LMX1A: variants seen among roughly 807,000 people sequenced by gnomAD.
LMX1A encodes the protein LIM homeobox transcription factor 1 alpha.
In LMX1A, 15 loss-of-function variants were observed where a neutral mutation model predicts 49.1. The ratio of observed to expected loss-of-function variants is 0.31; its 90% CI spans 0.20 to 0.47. LMX1A has a LOEUF of 0.47. Ranked by LOEUF, LMX1A falls within the 20% of genes least tolerant of loss-of-function variation. The probability of loss-of-function intolerance (pLI) is 1.00; values close to 1 mark genes in which losing one functional copy is unlikely to be tolerated. For synonymous variants in LMX1A, 167 were observed against 185.7 expected (o/e 0.90, Z 0.82); for missense variants, 372 against 475.8 (o/e 0.78, Z 2.03).
At chr1:165,217,506 C>T (rs930698929) in intron 4 of LMX1A, among the ~76,000 whole-genome samples, 2 of 152,176 alleles carry the variant, frequency 1.3e-5, no homozygotes, top group African/African-American at 4.8e-5. Flanking sequence ...AAGAGAAAAA[C>T]ATATTTGTTT....
At position 165,310,954 on chromosome 1, in the gene LMX1A, A is replaced by T. The variant is rs79606648; in HGVS notation, c.263+42122T>A. 3.9e-3 allele frequency among the ~76,000 whole-genome samples: 600 copies of T among 152,342 alleles called. 2 individuals are homozygous for T. The highest frequency in any genetic ancestry group is 5.6e-3 in the Non-Finnish European group (384 of 68,040). On this transcript the variant is annotated intron_variant, in intron 3 of 8. Coordinates refer to ENST00000342310, the MANE Select transcript of LMX1A (RefSeq NM_177398.4). ...AAGAACTTTATATGCAAAAGTTACCATTATGACAATATTCACCATGATGTC... is the reference window on the plus strand; with the variant it reads ...AAGAACTTTATATGCAAAAGTTACCTTTATGACAATATTCACCATGATGTC...
intron 3 of LMX1A, among the ~76,000 whole-genome samples, chr1:165,339,991 C>T (rs1045399229): frequency 2.6e-5 from 4 of 152,274 alleles, no homozygotes; most frequent in South Asian, 2.1e-4. Flanking sequence ...TTTCTCACTA[C>T]GCATCTTCTT....
intron 3 of LMX1A, among the ~76,000 whole-genome samples, chr1:165,318,046 C>G (rs1655274154): frequency 6.6e-6 from 1 of 152,242 alleles, no homozygotes; most frequent in South Asian, 2.1e-4. Flanking sequence ...CCTTCTGCCC[C>G]TGGTTGGAGA....
At chr1:165,243,258 T>A (rs180936930) in intron 4 of LMX1A, among the ~76,000 whole-genome samples, 26 of 152,328 alleles carry the variant, frequency 1.7e-4, no homozygotes, top group Admixed American at 1.7e-3. Context: ...CTCAGACGAC[T>A]TCTGATTTTA....
intron 4 of LMX1A, among the ~76,000 whole-genome samples, chr1:165,227,703 CT>C (rs1212565270): frequency 6.6e-6 from 1 of 152,140 alleles, no homozygotes; most frequent in African/African-American, 2.4e-5. Context: ...GCTTCCTGTA[CT>C]GAGCACCATA....
intron 3 of LMX1A, among the ~76,000 whole-genome samples, chr1:165,338,686 A>C (rs1490551661): frequency 6.6e-6 from 1 of 152,224 alleles, no homozygotes; most frequent in African/African-American, 2.4e-5. Flanking sequence ...AAGTAGAAAA[A>C]TCCATTCCAT....
intron 3 of LMX1A, among the ~76,000 whole-genome samples, chr1:165,252,240 G>T (rs1405873112): frequency 2.0e-5 from 3 of 152,144 alleles, no homozygotes; most frequent in Admixed American, 6.5e-5. Context: ...GATCTAATTT[G>T]TTCACCCTCT....
At chr1:165,352,460 A>T (rs1656456795) in intron 3 of LMX1A, among the ~76,000 whole-genome samples, 1 of 152,216 alleles carries the variant, frequency 6.6e-6, no homozygotes, top group African/African-American at 2.4e-5. Context: ...GCAGAAAACC[A>T]GGAAGGCGAC....
At chr1:165,345,781 C>T (rs1192105780) in intron 3 of LMX1A, among the ~76,000 whole-genome samples, 4 of 152,172 alleles carry the variant, frequency 2.6e-5, no homozygotes, top group African/African-American at 9.6e-5. Context: ...ATAATCCCAG[C>T]ACTTTGGGAG....
At chr1:165,249,943 A>C (rs564152635) in intron 3 of LMX1A, among the ~76,000 whole-genome samples, 1 of 152,134 alleles carries the variant, frequency 6.6e-6, no homozygotes, top group South Asian at 2.1e-4. Flanking sequence ...ACATGATTGG[A>C]ACTGGAAGCT....
At chr1:165,311,110 C>A (rs967330905) in intron 3 of LMX1A, among the ~76,000 whole-genome samples, 1 of 152,154 alleles carries the variant, frequency 6.6e-6, no homozygotes, top group African/African-American at 2.4e-5. Context: ...GTATTTCAAT[C>A]AACAGGATTT....
intron 4 of LMX1A, among the ~76,000 whole-genome samples, chr1:165,239,647 C>T (rs947410376): frequency 2.0e-5 from 3 of 152,188 alleles, no homozygotes; most frequent in Admixed American, 1.3e-4. Context: ...CTGAAAGGCT[C>T]AGGCAGTTCT....
chr1:165,336,379 G>A (rs1655899074), intron 3 of LMX1A, among the ~76,000 whole-genome samples: 1 of 152,044 alleles, frequency 6.6e-6, no homozygotes, highest in South Asian at 2.1e-4. Context: ...CAAATCTAGG[G>A]ACCCTCTTCC....
chr1:165,353,049 G>T lies in LMX1A; in HGVS notation c.263+27C>A. 2.5e-6 allele frequency: 4 copies of T among 1,610,994 alleles called. No individual in the cohort carries two copies. In the South Asian group the frequency reaches 3.3e-5, roughly 13 times the overall value. ...ACGCACACTGATGCCAGTGCGCGGGGAGCGCTGCGGGGGTGCGGCCACTTA... is the reference window on the plus strand; with the variant it reads ...ACGCACACTGATGCCAGTGCGCGGGTAGCGCTGCGGGGGTGCGGCCACTTA... On this transcript the variant is annotated intron_variant, in intron 3 of 8. Transcript: ENST00000342310.
intron 3 of LMX1A, among the ~76,000 whole-genome samples, chr1:165,283,817 C>G (rs1654224388): frequency 6.6e-6 from 1 of 152,192 alleles, no homozygotes; most frequent in Admixed American, 6.5e-5. Flanking sequence ...CACAAACATT[C>G]AGTTTTTAAC....
chr1:165,353,148 G>T lies in LMX1A; in HGVS notation c.191C>A (p.Ser64Tyr). 1 of 1,614,200 alleles carries T rather than the reference G, an allele frequency of 6.2e-7. No homozygotes were observed. The highest frequency in any genetic ancestry group is 8.5e-7 in the Non-Finnish European group (1 of 1,180,026). The change falls in exon 3 of 9, where the codon TCC becomes TAC. Residue 64 changes from serine to tyrosine, a missense_variant. Physicochemically the swap from Ser to Tyr is moderately radical, Grantham distance 144 (BLOSUM62 -2). This residue lies in a region of LMX1A where 199 missense variants were observed against 244.0 expected (regional missense o/e 0.82). Coordinates refer to ENST00000342310, the MANE Select transcript of LMX1A (RefSeq NM_177398.4). The part of the protein sequence containing the change: ...FWHEQCVQCA[S>Y]CKEPLETTCF... ...GGTGGTCTCCAGGGGCTCTTTGCAGGAGGCGCACTGCACGCACTGCTCATG... is the reference window on the plus strand; with the variant it reads ...GGTGGTCTCCAGGGGCTCTTTGCAGTAGGCGCACTGCACGCACTGCTCATG...
intron 3 of LMX1A, among the ~76,000 whole-genome samples, chr1:165,311,230 C>G (rs187171480): frequency 2.0e-5 from 3 of 152,210 alleles, no homozygotes; most frequent in Non-Finnish European, 4.4e-5. Context: ...AAATAATGGG[C>G]CCAAAGGGCT....
chr1:165,229,260 T>C (rs1292971937), intron 4 of LMX1A, among the ~76,000 whole-genome samples: 1 of 152,146 alleles, frequency 6.6e-6, no homozygotes, highest in African/African-American at 2.4e-5. Flanking sequence ...GAGCATCAGC[T>C]CTGCTTAAGG....
intron 3 of LMX1A, among the ~76,000 whole-genome samples, chr1:165,314,222 C>T (rs1217644955): frequency 1.3e-5 from 2 of 152,214 alleles, no homozygotes; most frequent in East Asian, 3.8e-4. Context: ...ACAGTCGCCA[C>T]ATGTGCAATA....
Sources: gnomAD v4.1 joint callset for allele counts (sites outside exome capture counted in the v4.1 genomes callset) on GRCh38, gnomAD v4.1.1 for gene constraint, gnomAD v4.1.1 regional missense constraint, MANE v1.5 for transcripts, NCBI Gene and HGNC (gene_info 2026-07-23, HGNC 2026-07-21) for gene names.